Variants in ASCC3 observed in about 807,000 individuals in gnomAD.
The protein encoded by ASCC3 is ASC-1 complex subunit P200.
In ASCC3, 158 loss-of-function variants were observed where a neutral mutation model predicts 256.3. That is an observed-to-expected ratio of 0.62 (90% CI 0.54 to 0.70). The LOEUF (loss-of-function observed/expected upper bound fraction) is 0.70. Ranked by LOEUF, ASCC3 falls within the 30% of genes least tolerant of loss-of-function variation. The pLI, the probability that ASCC3 is intolerant of heterozygous loss-of-function variation, is 0.00. For synonymous variants in ASCC3, 948 were observed against 883.4 expected (o/e 1.07, Z -1.30); for missense variants, 2,259 against 2,626.0 (o/e 0.86, Z 3.05).
chr6:100,545,897 A>G (rs766985730), intron 36 of ASCC3, among the ~76,000 whole-genome samples: 2 of 152,160 alleles, frequency 1.3e-5, no homozygotes, highest in East Asian at 1.9e-4. Context: ...TACTATTTCT[A>G]TTCAACACTG....
chr6:100,859,350 C>A, intron 3 of ASCC3: 1 of 698,052 alleles, frequency 1.4e-6, no homozygotes, highest in Non-Finnish European at 2.7e-6. Context: ...TAGGTATTCT[C>A]TGTAGAGGGT....
intron 4 of ASCC3, among the ~76,000 whole-genome samples, chr6:100,830,136 G>A (rs1190600746): frequency 5.3e-5 from 8 of 151,812 alleles, no homozygotes; most frequent in Admixed American, 5.3e-4. Context: ...ACTGTCAGTA[G>A]CTGAAACCAC....
rs1324022550 is a variant in ASCC3 at position 100,642,614 on chromosome 6, G to A, written c.3868C>T (p.Leu1290=). 2 of 1,613,768 alleles carry A rather than the reference G, an allele frequency of 1.2e-6. No individual in the cohort carries two copies. The highest frequency in any genetic ancestry group is 1.7e-6 in the Non-Finnish European group (2 of 1,179,880). The change falls in exon 24 of 42, where the codon CTA becomes TTA. Residue 1290 remains leucine, a synonymous_variant. Coordinates refer to ENST00000369162, the MANE Select transcript of ASCC3 (RefSeq NM_006828.4). ...EAVCIINFQH[L]ILPERHPPHT... ...GGAGGATGTCTCTCTGGTAGAATTAGATGTTGAAAGTTGATAATACATACT... is the reference window on the plus strand; with the variant it reads ...GGAGGATGTCTCTCTGGTAGAATTAAATGTTGAAAGTTGATAATACATACT...
At chr6:100,715,619 A>AT in intron 12 of ASCC3, 86 bp from the exon 13 acceptor site, 1 of 1,089,130 alleles carries the variant, frequency 9.2e-7, no homozygotes, top group Non-Finnish European at 1.4e-6. Flanking sequence ...ATTACAATGC[A>AT]TTTTTTAAGC....
At chr6:100,576,202 G>A (rs1159864478) in intron 36 of ASCC3, among the ~76,000 whole-genome samples, 1 of 151,986 alleles carries the variant, frequency 6.6e-6, no homozygotes, top group Non-Finnish European at 1.5e-5. Context: ...CTAATTCATG[G>A]TGTTAGAAAA....
chr6:100,851,426 T>C lies in ASCC3; in HGVS notation c.242-2719A>G, dbSNP rs17061191. The stretch of plus-strand genomic sequence containing the variant: ...TATAGCCATATACATTCACTAAATA[T>C]AGTGCAGCAGATTTATATATCTTGC... On this transcript the variant is annotated intron_variant, in intron 3 of 41. Transcript: ENST00000369162. Among the ~76,000 whole-genome samples, 1,935 of 152,294 alleles carry C rather than the reference T, an allele frequency of 0.013. 97 individuals carry two copies. The East Asian group carries it at 0.14, about 11-fold the overall frequency.
rs183815607 is a variant in ASCC3, at chr6:100,717,613, T to C, written c.2079+462A>G. On this transcript the variant is annotated intron_variant, in intron 12 of 41. Coordinates refer to ENST00000369162, the MANE Select transcript of ASCC3 (RefSeq NM_006828.4). ...TAATAATAAAGGTAATCATAGAACATTGTAAGTTAAACAGAACACCTTCCT... is the reference window on the plus strand; with the variant it reads ...TAATAATAAAGGTAATCATAGAACACTGTAAGTTAAACAGAACACCTTCCT... 3.4e-3 allele frequency among the ~76,000 whole-genome samples: 518 copies of C among 152,024 alleles called. 7 individuals are homozygous for C. Among genetic ancestry groups the C allele is most frequent in the African/African-American group, 0.012 (501 of 41,544 alleles).
intron 14 of ASCC3, among the ~76,000 whole-genome samples, chr6:100,674,690 T>G (rs917388531): frequency 6.7e-6 from 1 of 150,304 alleles, no homozygotes; most frequent in Non-Finnish European, 1.5e-5. Flanking sequence ...TGGAGTGCAG[T>G]GGCGCGATCT....
rs539043533 is a variant in ASCC3 at position 100,593,590 on chromosome 6, C to T, written c.5304-3531G>A. Among the ~76,000 whole-genome samples the T allele has an allele frequency of 3.3e-5, 5 of 152,138 alleles. No individual in the cohort carries two copies. The East Asian group carries it at 7.7e-4, about 24-fold the overall frequency. On this transcript the variant is annotated intron_variant, in intron 34 of 41. Transcript: ENST00000369162. ...TGGATTTAATGTGAATAGTGGCAGC[C>T]ATTTCCTGTTTGGTTTATGTAAACC...
chr6:100,810,111 C>A (rs1234670163), intron 4 of ASCC3, among the ~76,000 whole-genome samples: 1 of 152,096 alleles, frequency 6.6e-6, no homozygotes, highest in East Asian at 1.9e-4. Context: ...TCCCAATAAG[C>A]CAGTCTGGCA....
Position 100,512,932 on chromosome 6 carries a change from G to C in ASCC3, c.6076-14C>G, listed in dbSNP as rs758453768. 1.9e-6 allele frequency: 3 copies of C among 1,607,166 alleles called. No individual in the cohort carries two copies. The African/African-American group carries it at 4.0e-5, about 21-fold the overall frequency. On this transcript the variant is annotated splice_polypyrimidine_tract_variant and intron_variant, in intron 39 of 41. Coordinates refer to ENST00000369162, the MANE Select transcript of ASCC3 (RefSeq NM_006828.4). The stretch of plus-strand genomic sequence containing the variant: ...GAAATTCCATGCCTAAATAAAAAGA[G>C]AAAAGAAACAATAAAGGAGGAGTTT...
chr6:100,772,128 G>A (rs1391182616), intron 8 of ASCC3, among the ~76,000 whole-genome samples: 5 of 151,908 alleles, frequency 3.3e-5, no homozygotes, highest in African/African-American at 9.7e-5. Context: ...TGATCCACCC[G>A]CCTCAGCCTC....
At chr6:100,848,114 A>G (rs774779392) in intron 4 of ASCC3, 34 bp downstream of exon 4, 4 of 1,531,180 alleles carry the variant, frequency 2.6e-6, no homozygotes, top group Non-Finnish European at 3.5e-6. Flanking sequence ...GATAGTTCAC[A>G]TTAATATAAA....
chr6:100,638,600 C>A lies in ASCC3; in HGVS notation c.4122+1G>T. ...ATGTAAGTATGATTCTTTCAACAGA[C>A]CTTTGAAGTAGGGTATTTGTTGAAG... On this transcript the variant is annotated splice_donor_variant, in intron 25 of 41. Coordinates refer to ENST00000369162, the MANE Select transcript of ASCC3 (RefSeq NM_006828.4). LOFTEE classifies it high-confidence loss of function. 1 of 1,600,082 alleles carries A rather than the reference C, an allele frequency of 6.2e-7. No homozygotes were observed. The highest frequency in any genetic ancestry group is 8.6e-7 in the Non-Finnish European group (1 of 1,167,530).
At position 100,799,476 on chromosome 6, in the gene ASCC3, G is replaced by A; in HGVS notation, c.1224C>T (p.Ser408=). ...CTGATGTTTTCATGGCTTCAGCCTGGGAATCATACACATGGGGATAATGTA... is the reference window on the plus strand; with the variant it reads ...CTGATGTTTTCATGGCTTCAGCCTGAGAATCATACACATGGGGATAATGTA... The part of the protein sequence containing the change: ...EKIHYPHVYD[S]QAEAMKTSAF... Residue 408 remains serine (S), a synonymous_variant, in exon 7 of 42, where the codon TCC becomes TCT. Transcript: ENST00000369162. The A allele has an allele frequency of 6.2e-7, 1 of 1,613,026 alleles. No individual in the cohort carries two copies. The highest frequency in any genetic ancestry group is 1.3e-5 in the African/African-American group (1 of 74,972).
chr6:100,522,173 A>C (rs1420610318), intron 37 of ASCC3, among the ~76,000 whole-genome samples: 1 of 152,066 alleles, frequency 6.6e-6, no homozygotes, highest in Non-Finnish European at 1.5e-5. Context: ...AGACAAAGCT[A>C]GGATGATTCT....
chr6:100,778,878 A>G (rs1049931319), intron 8 of ASCC3, among the ~76,000 whole-genome samples: 2 of 152,164 alleles, frequency 1.3e-5, no homozygotes. Context: ...GCTATTCAAT[A>G]AATATGAAAT....
chr6:100,817,039 T>C (rs75293426), intron 4 of ASCC3, among the ~76,000 whole-genome samples: 2,234 of 152,126 alleles, frequency 0.015, 47 homozygotes, highest in African/African-American at 0.052. Flanking sequence ...ACATACATTC[T>C]TCTCTAGCAC....
intron 3 of ASCC3, chr6:100,859,107 G>A: frequency 3.8e-6 from 3 of 779,414 alleles, no homozygotes; most frequent in Admixed American, 3.4e-5. Flanking sequence ...AGTCATTTTT[G>A]TCATCTTAGT....
Sources: gnomAD v4.1 joint callset for allele counts (sites outside exome capture counted in the v4.1 genomes callset) on GRCh38, gnomAD v4.1.1 for gene constraint, MANE v1.5 for transcripts, NCBI Gene and HGNC (gene_info 2026-07-23, HGNC 2026-07-21) for gene names.